SYTL5: variants seen among roughly 807,000 people sequenced by gnomAD.
SYTL5 encodes synaptotagmin-like protein 5.
Under a neutral mutation model 55.9 loss-of-function variants are expected in SYTL5, and 34 were observed. The ratio of observed to expected loss-of-function variants is 0.61; its 90% confidence interval spans 0.46 to 0.81. The LOEUF (loss-of-function observed/expected upper bound fraction) is 0.81. SYTL5 is among the 30% of genes least tolerant of loss of function. The probability of loss-of-function intolerance (pLI) is 0.00; values close to 1 mark genes in which losing one functional copy is unlikely to be tolerated. For missense variants in SYTL5, 637 were observed against 546.7 expected, an observed-to-expected ratio of 1.17 and a Z score of -1.65; for synonymous variants, 221 against 188.7, an observed-to-expected ratio of 1.17 and a Z score of -1.40.
intron 1 of SYTL5, among the ~76,000 whole-genome samples, chrX:38,019,855 G>A (rs775848812): frequency 3.2e-4 from 36 of 110,977 alleles, no homozygotes; most frequent in Non-Finnish European, 5.8e-4. Context: ...GGCTGGTTTC[G>A]AACTCCTGAG....
intron 9 of SYTL5, among the ~76,000 whole-genome samples, chrX:38,098,134 G>C (rs928483459): frequency 2.7e-4 from 30 of 110,196 alleles, no homozygotes; most frequent in Admixed American, 4.8e-4. Flanking sequence ...GTTAGGCAAA[G>C]AATTCTTAAA....
In SYTL5 at chrX:38,126,796, A is replaced by G; in HGVS notation, c.*66A>G. The G allele has an allele frequency of 9.3e-7, 1 of 1,074,557 alleles. No individual in the cohort carries two copies. Among genetic ancestry groups the G allele is most frequent in the South Asian group, 2.2e-5 (1 of 45,312 alleles). The allele number at this position is 1,074,557 out of a possible 1,213,427, so 88.6% of individuals were successfully genotyped here. A position where few individuals can be genotyped will look rare whatever the true frequency, so the allele number is the denominator to read the frequency against. The stretch of plus-strand genomic sequence containing the variant: ...TGGCTGTCTTTTCCTACCATTAGCA[A>G]ACTGAGACCTGGGATTCTGCTTCCC... On this transcript the variant is annotated 3_prime_UTR_variant, in exon 17 of 17. Coordinates refer to ENST00000297875, the MANE Select transcript of SYTL5 (RefSeq NM_138780.3).
At chrX:37,929,983 C>T in the SYTL5 span, among the ~76,000 whole-genome samples, 1 of 111,769 alleles carries the variant, frequency 8.9e-6, no homozygotes, top group East Asian at 2.8e-4. Context: ...TCAAATGGAA[C>T]CATTAACTTT....
In SYTL5 at chrX:38,046,420, C is replaced by T. The variant is rs774802570; in HGVS notation, c.120-7793C>T. The stretch of plus-strand genomic sequence containing the variant: ...CATGGTGGCAGACAGGAGAAGAGAA[C>T]TTGTGCAGGGAAAATTCCCTTTATA... On this transcript the variant is annotated intron_variant, in intron 2 of 16. Coordinates refer to ENST00000297875, the MANE Select transcript of SYTL5 (RefSeq NM_138780.3). Among the ~76,000 whole-genome samples the T allele has an allele frequency of 4.5e-5, 5 of 111,503 alleles. No individual in the cohort carries two copies. The South Asian group carries it at 1.9e-3, about 43-fold the overall frequency.
At chrX:38,125,025 A>T (rs1473369173) in intron 15 of SYTL5, among the ~76,000 whole-genome samples, 1 of 111,945 alleles carries the variant, frequency 8.9e-6, no homozygotes, top group African/African-American at 3.2e-5. Flanking sequence ...GAGGCCAAAA[A>T]GATTTGAAGC....
the SYTL5 span, among the ~76,000 whole-genome samples, chrX:37,896,145 G>C: frequency 1.1e-4 from 12 of 112,302 alleles, no homozygotes; most frequent in East Asian, 3.1e-3. Flanking sequence ...TGATTGGAAG[G>C]AAACCTTCTC....
rs1441691784 is a variant in SYTL5 at position 38,128,774 on chromosome X, C to T, written c.*2044C>T. ...AACAAAAAGTGTAAGATCATCATTG[C>T]TTCCCACATAGGAAAAATAAAATGT... On this transcript the variant is annotated 3_prime_UTR_variant, in exon 17 of 17. Coordinates refer to ENST00000297875, the MANE Select transcript of SYTL5 (RefSeq NM_138780.3). 2.7e-5 allele frequency: 3 copies of T among 111,171 alleles called. No individual in the cohort carries two copies. The highest frequency in any genetic ancestry group is 5.7e-5 in the Non-Finnish European group (3 of 53,047). 9.2% of individuals were successfully genotyped at this position (111,171 alleles called of 1,213,427 possible).
chrX:37,942,951 C>G, the SYTL5 span, among the ~76,000 whole-genome samples: 1 of 111,648 alleles, frequency 9.0e-6, no homozygotes, highest in African/African-American at 3.3e-5. Flanking sequence ...ACCTTAGTCT[C>G]TCTTACTCTG....
chrX:37,904,806 A>G, the SYTL5 span, among the ~76,000 whole-genome samples: 3 of 111,436 alleles, frequency 2.7e-5, no homozygotes, highest in African/African-American at 9.8e-5. Context: ...GAAGTCTGAC[A>G]GCTGAAATGC....
At chrX:37,956,460 A>T in the SYTL5 span, among the ~76,000 whole-genome samples, 1 of 112,166 alleles carries the variant, frequency 8.9e-6, no homozygotes, top group Non-Finnish European at 1.9e-5. Flanking sequence ...TCCCCCTGCC[A>T]GTCCCTGGCA....
chrX:38,078,507 G>C (rs1238687998), intron 6 of SYTL5, among the ~76,000 whole-genome samples: 2 of 110,254 alleles, frequency 1.8e-5, no homozygotes, highest in Non-Finnish European at 3.8e-5. Flanking sequence ...TGATCCACCC[G>C]CCTCGGCCTC....
intron 2 of SYTL5, among the ~76,000 whole-genome samples, chrX:38,043,183 C>T (rs933512863): frequency 1.8e-5 from 2 of 111,319 alleles, no homozygotes; most frequent in African/African-American, 3.3e-5. Context: ...ATGTCTGCAA[C>T]TTTTAAAATA....
At chrX:38,066,686 A>G (rs1981513828) in intron 3 of SYTL5, among the ~76,000 whole-genome samples, 1 of 111,385 alleles carries the variant, frequency 9.0e-6, no homozygotes, top group Non-Finnish European at 1.9e-5. Context: ...ATCACAGCCA[A>G]TCATATGCAA....
chrX:37,940,712 G>C, the SYTL5 span, among the ~76,000 whole-genome samples: 310 of 109,383 alleles, frequency 2.8e-3, no homozygotes, highest in Middle Eastern at 0.014. Context: ...TTGGAAGTCA[G>C]TAATAAATAA....
chrX:37,957,702 G>A, the SYTL5 span, among the ~76,000 whole-genome samples: 62 of 112,104 alleles, frequency 5.5e-4, no homozygotes, highest in Non-Finnish European at 1.0e-3. Context: ...TTGAAATAGT[G>A]AAGTATGATG....
intron 7 of SYTL5, among the ~76,000 whole-genome samples, chrX:38,091,239 G>A (rs1180343557): frequency 8.9e-6 from 1 of 111,973 alleles, no homozygotes; most frequent in Non-Finnish European, 1.9e-5. Flanking sequence ...GTGGCGAGTA[G>A]TCAAATTCCG....
chrX:37,911,729 G>A, the SYTL5 span, among the ~76,000 whole-genome samples: 5 of 110,612 alleles, frequency 4.5e-5, no homozygotes, highest in African/African-American at 6.6e-5. Flanking sequence ...GAATTAAATC[G>A]GTAAAATTCA....
intron 2 of SYTL5, among the ~76,000 whole-genome samples, chrX:38,043,340 G>T (rs1327196336): frequency 9.2e-6 from 1 of 108,384 alleles, no homozygotes; most frequent in Non-Finnish European, 1.9e-5. Context: ...GAGGTGAATA[G>T]TCTCCATTTG....
chrX:37,999,281 C>A, the SYTL5 span, among the ~76,000 whole-genome samples: 1 of 112,305 alleles, frequency 8.9e-6, no homozygotes, highest in African/African-American at 3.2e-5. Flanking sequence ...TTATTGTATT[C>A]TATTATTTTA....
Sources: allele counts gnomAD v4.1 joint callset (sites outside exome capture counted in the v4.1 genomes callset), GRCh38; gene constraint gnomAD v4.1.1; transcripts MANE v1.5; gene names NCBI Gene and HGNC (gene_info 2026-07-23, HGNC 2026-07-21).